The following SLC44A5 variants were observed in gnomAD, a reference collection of about 807,000 sequenced individuals.
SLC44A5 encodes the protein choline transporter-like protein 5.
SLC44A5 carries 57 observed loss-of-function variants against 101.8 expected under a neutral mutation model. That is an observed-to-expected ratio of 0.56 (90% confidence interval 0.45 to 0.70). The LOEUF is 0.70. SLC44A5 is among the 30% of genes least tolerant of loss of function. The probability of loss-of-function intolerance (pLI) is 0.00; values close to 1 mark genes in which losing one functional copy is unlikely to be tolerated. For synonymous variants in SLC44A5, 281 were observed against 290.9 expected (o/e 0.97, Z 0.35); for missense variants, 737 against 853.1 (o/e 0.86, Z 1.70).
At chr1:75,655,128 A>G in the SLC44A5 span, among the ~76,000 whole-genome samples, 1 of 152,282 alleles carries the variant, frequency 6.6e-6, no homozygotes, top group Non-Finnish European at 1.5e-5. Context: ...TATCTTATAG[A>G]GCATCAAATA....
At position 75,518,849 on chromosome 1, in the gene SLC44A5, G is replaced by A. The variant is rs111746487; in HGVS notation, c.13+22586C>T. On this transcript the variant is annotated intron_variant, in intron 2 of 23. Transcript: ENST00000370859. ...GTAGTTGCCTAGGGCTGGGGGCTGG[G>A]TGTGACAGGGACAGGGAGTGAATGC... is the stretch of plus-strand genomic sequence containing the variant. 5.6e-3 allele frequency among the ~76,000 whole-genome samples: 853 copies of A among 152,252 alleles called. 3 individuals carry two copies. Among genetic ancestry groups the A allele is most frequent in the African/African-American group, 0.02 (817 of 41,544 alleles).
chr1:75,531,399 C>T (rs1038965633), intron 2 of SLC44A5, among the ~76,000 whole-genome samples: 3 of 152,160 alleles, frequency 2.0e-5, no homozygotes, highest in African/African-American at 7.2e-5. Flanking sequence ...AAAAGCTGAC[C>T]TGCTCAGTCA....
chr1:75,625,451 C>T, the SLC44A5 span, among the ~76,000 whole-genome samples: 11 of 151,992 alleles, frequency 7.2e-5, no homozygotes, highest in African/African-American at 2.4e-4. Context: ...TAATTCAAGG[C>T]GTAATTAGCC....
intron 2 of SLC44A5, among the ~76,000 whole-genome samples, chr1:75,414,076 T>C (rs1663461062): frequency 6.6e-6 from 1 of 152,088 alleles, no homozygotes; most frequent in African/African-American, 2.4e-5. Flanking sequence ...CAGAGCTAGA[T>C]CTTGAGTCAT....
intron 1 of SLC44A5, among the ~76,000 whole-genome samples, chr1:75,543,833 A>G (rs11586288): frequency 0.16 from 24,904 of 151,786 alleles, 2,230 homozygotes; most frequent in Admixed American, 0.24. Flanking sequence ...CTGCAAGTTC[A>G]TCTTCCAGCT....
intron 2 of SLC44A5, among the ~76,000 whole-genome samples, chr1:75,408,833 T>G (rs550766728): frequency 3.0e-4 from 45 of 152,280 alleles, no homozygotes; most frequent in African/African-American, 1.1e-3. Context: ...GTTTTGCACA[T>G]GTATCCCAGA....
rs1652521268 is a variant in SLC44A5 at position 75,281,221 on chromosome 1, A to T, written c.176-6179T>A. 1.3e-5 allele frequency among the ~76,000 whole-genome samples: 2 copies of T among 152,148 alleles called. 1 individual carries two copies. The highest frequency in any genetic ancestry group is 4.1e-4 in the South Asian group (2 of 4,834). The stretch of plus-strand genomic sequence containing the variant: ...GAAGTCCAGGCTGAGATGATCTCAG[A>T]TGGAGATGAGGAACTTCTTGGGAAC... On this transcript the variant is annotated intron_variant, in intron 5 of 23. Coordinates refer to ENST00000370859, the MANE Select transcript of SLC44A5 (RefSeq NM_001130058.2).
intron 1 of SLC44A5, among the ~76,000 whole-genome samples, chr1:75,589,757 A>G (rs113924449): frequency 4.7e-4 from 72 of 152,258 alleles, no homozygotes; most frequent in African/African-American, 1.7e-3. Flanking sequence ...GTGCTCGGGG[A>G]GAGAGAACAC....
At chr1:75,205,677 TTC>T (rs1015121812) in intron 23 of SLC44A5, 1 of 152,208 alleles carries the variant, frequency 6.6e-6, no homozygotes, top group African/African-American at 2.4e-5. Flanking sequence ...TGTCTTTCTT[TTC>T]TCTTTCCTCA....
At chr1:75,693,248 T>C in the SLC44A5 span, among the ~76,000 whole-genome samples, 1 of 152,220 alleles carries the variant, frequency 6.6e-6, no homozygotes, top group African/African-American at 2.4e-5. Context: ...TAGGGAAGTT[T>C]GGTGCCATCT....
intron 3 of SLC44A5, among the ~76,000 whole-genome samples, chr1:75,362,508 A>C (rs760740022): frequency 6.6e-6 from 1 of 151,896 alleles, no homozygotes; most frequent in Non-Finnish European, 1.5e-5. Context: ...GTATCAAGGC[A>C]TTTCTTGACT....
intron 1 of SLC44A5, among the ~76,000 whole-genome samples, chr1:75,553,715 A>C (rs958902459): frequency 6.6e-6 from 1 of 152,186 alleles, no homozygotes; most frequent in Non-Finnish European, 1.5e-5. Context: ...TAGAGAAAGA[A>C]AGTATGAAGT....
intron 13 of SLC44A5, among the ~76,000 whole-genome samples, chr1:75,227,095 C>T (rs1028936141): frequency 2.6e-5 from 4 of 151,994 alleles, no homozygotes; most frequent in Non-Finnish European, 4.4e-5. Flanking sequence ...GTGGCTCACG[C>T]CAGCACGGTG....
intron 4 of SLC44A5, among the ~76,000 whole-genome samples, chr1:75,336,263 C>T (rs1486138538): frequency 6.6e-6 from 1 of 152,074 alleles, no homozygotes; most frequent in Non-Finnish European, 1.5e-5. Context: ...TCAAGCGATT[C>T]TCCTGCCTCA....
the SLC44A5 span, among the ~76,000 whole-genome samples, chr1:75,651,850 C>A: frequency 2.0e-5 from 3 of 152,214 alleles, no homozygotes; most frequent in East Asian, 5.8e-4. Flanking sequence ...CACACACGCA[C>A]ACGTGGAACG....
At chr1:75,562,498 G>T (rs578130501) in intron 1 of SLC44A5, among the ~76,000 whole-genome samples, 7 of 152,168 alleles carry the variant, frequency 4.6e-5, no homozygotes, top group African/African-American at 1.4e-4. Context: ...AGGAGTTCAA[G>T]GCCAGCCTGG....
chr1:75,219,898 A>G lies in SLC44A5; in HGVS notation c.1086-6T>C. ...TAGGAACATATCCAATGGCTCTGAA[A>G]TAAAACAAATAGTTGAAATTCAATT... is the stretch of plus-strand genomic sequence containing the variant. On this transcript the variant is annotated splice_polypyrimidine_tract_variant and splice_region_variant and intron_variant, in intron 14 of 23. Coordinates refer to ENST00000370859, the MANE Select transcript of SLC44A5 (RefSeq NM_001130058.2). 1.9e-6 allele frequency: 3 copies of G among 1,561,956 alleles called. No homozygotes were observed. Among genetic ancestry groups the G allele is most frequent in the Non-Finnish European group, 2.6e-6 (3 of 1,139,312 alleles).
At chr1:75,330,168 C>CGTATATATGCATATATATAT (rs1656932783) in intron 4 of SLC44A5, among the ~76,000 whole-genome samples, 1 of 121,990 alleles carries the variant, frequency 8.2e-6, no homozygotes, top group Admixed American at 8.3e-5. Context: ...CATATATATA[C>CGTATATATGCATATATATAT]GTATATATGC....
chr1:75,255,504 AAGTC>A (rs1268416338), intron 6 of SLC44A5, among the ~76,000 whole-genome samples: 1 of 151,986 alleles, frequency 6.6e-6, no homozygotes, highest in African/African-American at 2.4e-5. Context: ...ACAGAACAAA[AAGTC>A]AGAGATGAAA....
Sources: allele counts gnomAD v4.1 joint callset (sites outside exome capture counted in the v4.1 genomes callset), GRCh38; gene constraint gnomAD v4.1.1; transcripts MANE v1.5; gene names NCBI Gene and HGNC (gene_info 2026-07-23, HGNC 2026-07-21).